The following CCAR1 variants were observed in gnomAD, a reference collection of about 807,000 sequenced individuals.
CCAR1 encodes cell division cycle and apoptosis regulator protein 1.
A neutral mutation model predicts 163.8 loss-of-function variants in CCAR1; 78 were observed. The observed-to-expected ratio is 0.48, with a 90% confidence interval of 0.40 to 0.57. CCAR1 has a LOEUF of 0.57. Among genes scored for constraint, CCAR1 ranks in the 20% least tolerant of loss-of-function variants. The pLI is 0.00. For missense variants in CCAR1, 1,019 were observed against 1,365.2 expected (o/e 0.75, Z 4.00); for synonymous variants, 443 against 460.7 (o/e 0.96, Z 0.49).
chr10:68,727,949 C>T (rs2055972573), intron 2 of CCAR1, among the ~76,000 whole-genome samples: 2 of 152,150 alleles, frequency 1.3e-5, no homozygotes, highest in South Asian at 2.1e-4. Flanking sequence ...AGCAATTCTC[C>T]TGCCTCAGCC....
chr10:68,729,356 G>A (rs1420776792), intron 2 of CCAR1, among the ~76,000 whole-genome samples: 4 of 149,844 alleles, frequency 2.7e-5, no homozygotes, highest in Non-Finnish European at 4.4e-5. Context: ...TGCAAGCTCC[G>A]CCTCCTGGGT....
At chr10:68,731,226 T>G (rs2056033589) in intron 2 of CCAR1, among the ~76,000 whole-genome samples, 1 of 152,194 alleles carries the variant, frequency 6.6e-6, no homozygotes, top group African/African-American at 2.4e-5. Context: ...AAATCAGAGA[T>G]TAATACCTTT....
intron 24 of CCAR1, among the ~76,000 whole-genome samples, chr10:68,790,232 C>T (rs954376549): frequency 6.6e-6 from 1 of 151,900 alleles, no homozygotes; most frequent in Non-Finnish European, 1.5e-5. Context: ...TGGCGGGCAC[C>T]TGTAATCCTA....
At chr10:68,741,533 A>G (rs1053428363) in intron 5 of CCAR1, among the ~76,000 whole-genome samples, 2 of 152,240 alleles carry the variant, frequency 1.3e-5, no homozygotes, top group Admixed American at 6.5e-5. Flanking sequence ...CCCATGGGTC[A>G]TAGTTTGCTG....
chr10:68,722,615 G>A lies in CCAR1; in HGVS notation c.73+38G>A, dbSNP rs757832949. The A allele has an allele frequency of 8.6e-6, 13 of 1,508,456 alleles. No homozygotes were observed. The South Asian group carries it at 1.2e-4, about 14-fold the overall frequency. 93.4% of individuals were successfully genotyped at this position (1,508,456 alleles called of 1,614,324 possible). On this transcript the variant is annotated intron_variant, in intron 2 of 24. Transcript: ENST00000265872. ...AATACATGTACTGTAATTGTTTGTGGGGGACTTGTTAAAACTACGTGAATT... is the reference window on the plus strand; with the variant it reads ...AATACATGTACTGTAATTGTTTGTGAGGGACTTGTTAAAACTACGTGAATT...
intron 17 of CCAR1, among the ~76,000 whole-genome samples, chr10:68,769,494 C>T (rs1364291654): frequency 2.0e-5 from 3 of 152,000 alleles, no homozygotes; most frequent in Non-Finnish European, 4.4e-5. Context: ...GTGGCGCGTA[C>T]GTGTAATCCC....
Sources: allele counts gnomAD v4.1 joint callset (sites outside exome capture counted in the v4.1 genomes callset), GRCh38; gene constraint gnomAD v4.1.1; transcripts MANE v1.5; gene names NCBI Gene and HGNC (gene_info 2026-07-23, HGNC 2026-07-21).